SIPA1L1: variants seen among roughly 807,000 people sequenced by gnomAD.
SIPA1L1 encodes signal induced proliferation associated 1 like 1.
In SIPA1L1, 26 loss-of-function variants were observed where a neutral mutation model predicts 162.7. The ratio of observed to expected loss-of-function variants is 0.16; its 90% CI spans 0.12 to 0.22. The LOEUF is 0.22. Among genes scored for constraint, SIPA1L1 ranks in the 10% least tolerant of loss-of-function variants. SIPA1L1 has a pLI of 1.00. For missense variants in SIPA1L1, 1,874 were observed against 2,241.0 expected (o/e 0.84, Z 3.31); for synonymous variants, 829 against 837.4 (o/e 0.99, Z 0.17).
chr14:71,664,712 C>T (rs2043841387), intron 10 of SIPA1L1, among the ~76,000 whole-genome samples: 1 of 152,166 alleles, frequency 6.6e-6, no homozygotes, highest in South Asian at 2.1e-4. Flanking sequence ...CTCTTGGTCC[C>T]AACTTTCTCC....
intron 20 of SIPA1L1, 122 bp from the exon 21 acceptor site, chr14:71,733,544 A>G: frequency 1.0e-6 from 1 of 1,000,976 alleles, no homozygotes; most frequent in South Asian, 1.5e-5. Flanking sequence ...CAGCCTGCTA[A>G]CCTGGACATT....
At chr14:71,396,059 A>G (rs1447261842) in intron 2 of SIPA1L1, among the ~76,000 whole-genome samples, 2 of 151,794 alleles carry the variant, frequency 1.3e-5, no homozygotes, top group East Asian at 3.9e-4. Context: ...CTTGGAGAAC[A>G]TTTCTTGTCC....
chr14:71,617,860 C>T (rs1168863601), intron 5 of SIPA1L1, among the ~76,000 whole-genome samples: 1 of 152,030 alleles, frequency 6.6e-6, no homozygotes, highest in Non-Finnish European at 1.5e-5. Flanking sequence ...TTATCTGTTC[C>T]AGTTTTTCAT....
chr14:71,645,714 CAA>C (rs1441812809), intron 7 of SIPA1L1, among the ~76,000 whole-genome samples: 1 of 152,108 alleles, frequency 6.6e-6, no homozygotes, highest in Non-Finnish European at 1.5e-5. Context: ...TTGATTCATG[CAA>C]AAGTGCCAGC....
At position 71,618,781 on chromosome 14, in the gene SIPA1L1, A is replaced by T. The variant is rs879220303; in HGVS notation, c.1523A>T (p.Asp508Val). Residue 508 changes from aspartate (D) to valine (V), a missense_variant, in exon 6 of 24, where the codon GAT becomes GTT. Physicochemically the swap from Asp to Val is radical, Grantham distance 152. This residue lies in a region of SIPA1L1 where 685 missense variants were observed against 828.0 expected (regional missense o/e 0.83). Coordinates refer to ENST00000381232, the MANE Select transcript of SIPA1L1 (RefSeq NM_001386936.1). ...QKEHWNYFGA[D>V]ENLGPVAVSI... ...GAACACTGGAACTATTTTGGGGCTG[A>T]TGAGAATCTTGGTCCAGTGGCTGTG... 6.2e-6 allele frequency: 10 copies of T among 1,613,792 alleles called. No individual in the cohort carries two copies. In the African/African-American group the frequency reaches 1.1e-4, roughly 17 times the overall value.
intron 17 of SIPA1L1, among the ~76,000 whole-genome samples, chr14:71,720,636 T>C (rs1016467881): frequency 1.3e-5 from 2 of 152,168 alleles, no homozygotes; most frequent in African/African-American, 4.8e-5. Flanking sequence ...TCTTATTCTT[T>C]TTTCTTTTTT....
chr14:71,496,181 A>T (rs1338012072), intron 2 of SIPA1L1, among the ~76,000 whole-genome samples: 2 of 152,102 alleles, frequency 1.3e-5, no homozygotes, highest in African/African-American at 4.8e-5. Context: ...GTATTTTAAA[A>T]TTTTGAGCTG....
rs375781321 is a variant in SIPA1L1 at position 71,338,483 on chromosome 14, A to T, written c.-465+17302A>T. On this transcript the variant is annotated intron_variant, in intron 2 of 23. Transcript: ENST00000381232. ...TGGAGGCCCTAATGCATAAGGCTGGATCATTTCTGGACAGGGTCATTGTAA... is the reference window on the plus strand; with the variant it reads ...TGGAGGCCCTAATGCATAAGGCTGGTTCATTTCTGGACAGGGTCATTGTAA... Among the ~76,000 whole-genome samples the T allele has an allele frequency of 4.6e-5, 7 of 152,214 alleles. No individual in the cohort carries two copies. In the East Asian group the frequency reaches 1.4e-3, roughly 29 times the overall value.
At chr14:71,643,403 A>G (rs190249242) in intron 7 of SIPA1L1, among the ~76,000 whole-genome samples, 15 of 152,314 alleles carry the variant, frequency 9.8e-5, no homozygotes, top group African/African-American at 3.4e-4. Flanking sequence ...AAAGTTAAAG[A>G]TCCCAAAGAG....
intron 2 of SIPA1L1, among the ~76,000 whole-genome samples, chr14:71,509,039 C>T (rs915193634): frequency 6.6e-5 from 10 of 152,288 alleles, no homozygotes; most frequent in South Asian, 2.1e-4. Flanking sequence ...CTCCCAGAAT[C>T]GGCTGACATG....
At chr14:71,448,235 T>G (rs1385608414) in intron 2 of SIPA1L1, among the ~76,000 whole-genome samples, 1 of 152,238 alleles carries the variant, frequency 6.6e-6, no homozygotes, top group African/African-American at 2.4e-5. Flanking sequence ...CTTTCTTGGT[T>G]GTCTTTCTGG....
intron 17 of SIPA1L1, among the ~76,000 whole-genome samples, chr14:71,713,196 TGAAA>T: frequency 6.6e-6 from 1 of 152,310 alleles, no homozygotes; most frequent in Non-Finnish European, 1.5e-5. Context: ...CTCAAAAAAA[TGAAA>T]GAATGACTTT....
At chr14:71,628,781 A>C (rs571722426) in intron 7 of SIPA1L1, among the ~76,000 whole-genome samples, 1 of 152,312 alleles carries the variant, frequency 6.6e-6, no homozygotes, top group African/African-American at 2.4e-5. Context: ...TTGGAGGGGA[A>C]GAAGATTTCA....
chr14:71,391,195 C>T (rs1395770946), intron 2 of SIPA1L1, among the ~76,000 whole-genome samples: 1 of 150,564 alleles, frequency 6.6e-6, no homozygotes, highest in Non-Finnish European at 1.5e-5. Flanking sequence ...CAAGCTCTGC[C>T]TCCCAGGTTC....
intron 4 of SIPA1L1, among the ~76,000 whole-genome samples, chr14:71,542,308 CTCCTCCTCT>C (rs774719134): frequency 6.6e-5 from 10 of 150,518 alleles, no homozygotes; most frequent in Admixed American, 3.3e-4. Context: ...CCTCTTCCTC[CTCCTCCTCT>C]TCCTCCTCTT....
chr14:71,713,418 A>C (rs2083025829), intron 17 of SIPA1L1, among the ~76,000 whole-genome samples: 1 of 152,248 alleles, frequency 6.6e-6, no homozygotes, highest in African/African-American at 2.4e-5. Context: ...TGTCATGTCT[A>C]CATAAAAGTT....
intron 2 of SIPA1L1, among the ~76,000 whole-genome samples, chr14:71,340,486 A>G (rs2035534540): frequency 6.6e-6 from 1 of 152,200 alleles, no homozygotes; most frequent in African/African-American, 2.4e-5. Context: ...AATAGGTATT[A>G]TCAACATTTA....
intron 2 of SIPA1L1, among the ~76,000 whole-genome samples, chr14:71,507,506 ATTACT>A (rs1191826763): frequency 1.3e-5 from 2 of 152,180 alleles, no homozygotes; most frequent in Non-Finnish European, 2.9e-5. Flanking sequence ...TGTTAAGTAG[ATTACT>A]TTACAGTGGA....
intron 2 of SIPA1L1, among the ~76,000 whole-genome samples, chr14:71,449,447 G>A (rs755005332): frequency 1.3e-5 from 2 of 152,140 alleles, no homozygotes; most frequent in Non-Finnish European, 2.9e-5. Flanking sequence ...AGCTCCTAGA[G>A]AGCTGAATTC....
Sources: gnomAD v4.1 joint callset for allele counts (sites outside exome capture counted in the v4.1 genomes callset) on GRCh38, gnomAD v4.1.1 for gene constraint, gnomAD v4.1.1 regional missense constraint, MANE v1.5 for transcripts, NCBI Gene and HGNC (gene_info 2026-07-23, HGNC 2026-07-21) for gene names.